RAPGEF2: variants seen among roughly 807,000 people sequenced by gnomAD.
RAPGEF2 encodes Rap guanine nucleotide exchange factor 2, also known as PDZ domain containing guanine nucleotide exchange factor (GEF) 1.
Under a neutral mutation model 186.7 loss-of-function variants are expected in RAPGEF2, and 54 were observed. That is an observed-to-expected ratio of 0.29 (90% confidence interval 0.23 to 0.36). The LOEUF (loss-of-function observed/expected upper bound fraction) is 0.36, where lower values mean the gene tolerates loss of function less well. Ranked by LOEUF, RAPGEF2 falls within the 10% of genes least tolerant of loss-of-function variation. The probability of loss-of-function intolerance (pLI) is 1.00; values close to 1 mark genes in which losing one functional copy is unlikely to be tolerated. For synonymous variants in RAPGEF2, 712 were observed against 705.9 expected (o/e 1.01, Z -0.14); for missense variants, 1,532 against 2,045.0 (o/e 0.75, Z 4.84).
At chr4:159,202,099 T>C (rs1749482588) in intron 3 of RAPGEF2, among the ~76,000 whole-genome samples, 1 of 152,248 alleles carries the variant, frequency 6.6e-6, no homozygotes. Flanking sequence ...AGCTGTGTCG[T>C]GTGCTCGGCT....
At chr4:159,284,179 A>T (rs776664181) in intron 7 of RAPGEF2, among the ~76,000 whole-genome samples, 8 of 152,114 alleles carry the variant, frequency 5.3e-5, no homozygotes, top group Non-Finnish European at 8.8e-5. Flanking sequence ...CACCAGAATA[A>T]CAGTTGTTTT....
intron 7 of RAPGEF2, among the ~76,000 whole-genome samples, chr4:159,246,136 A>G (rs1021904431): frequency 3.3e-5 from 5 of 152,180 alleles, no homozygotes; most frequent in African/African-American, 1.2e-4. Flanking sequence ...CACACATTTT[A>G]TTAGTAGTCC....
intron 1 of RAPGEF2, among the ~76,000 whole-genome samples, chr4:159,140,271 C>A (rs895660490): frequency 6.6e-6 from 1 of 152,036 alleles, no homozygotes; most frequent in African/African-American, 2.4e-5. Context: ...TTAGTATAGC[C>A]ATTTGTTTTT....
intron 7 of RAPGEF2, among the ~76,000 whole-genome samples, chr4:159,276,558 T>C (rs550529049): frequency 6.6e-6 from 1 of 152,330 alleles, no homozygotes; most frequent in South Asian, 2.1e-4. Flanking sequence ...CAGGTTGGTC[T>C]GTGTCTTATT....
chr4:159,121,654 G>A (rs1739692880), intron 1 of RAPGEF2, among the ~76,000 whole-genome samples: 1 of 151,854 alleles, frequency 6.6e-6, no homozygotes, highest in African/African-American at 2.4e-5. Context: ...TAAATGTTGG[G>A]ATTTCAATAA....
chr4:159,283,737 A>C (rs1265712572), intron 7 of RAPGEF2, among the ~76,000 whole-genome samples: 1 of 152,216 alleles, frequency 6.6e-6, no homozygotes, highest in Non-Finnish European at 1.5e-5. Context: ...GAAAAACAGA[A>C]AGAGGAAATC....
intron 1 of RAPGEF2, chr4:159,128,919 G>T (rs1056653205): frequency 8.7e-5 from 5 of 57,254 alleles, no homozygotes; most frequent in African/African-American, 4.1e-4. Flanking sequence ...ATACATATGG[G>T]GGGTGTGTGT....
chr4:159,131,400 G>A (rs549096673), intron 1 of RAPGEF2, among the ~76,000 whole-genome samples: 2 of 152,210 alleles, frequency 1.3e-5, no homozygotes, highest in Admixed American at 6.5e-5. Flanking sequence ...ATGAGCCACC[G>A]CGCCCAGCCT....
chr4:159,295,748 TGTGTGTGCGCGC>T (rs1396839289), intron 7 of RAPGEF2, among the ~76,000 whole-genome samples: 42 of 112,150 alleles, frequency 3.7e-4, no homozygotes, highest in South Asian at 8.3e-4. Flanking sequence ...TGTGTGTGTG[TGTGTGTGCGCGC>T]GCGCGCGCGC....
At chr4:159,108,485 A>T (rs148286716) in intron 1 of RAPGEF2, among the ~76,000 whole-genome samples, 1 of 151,034 alleles carries the variant, frequency 6.6e-6, no homozygotes, top group Non-Finnish European at 1.5e-5. Context: ...ACTTCTTATC[A>T]CTATCATTTA....
At chr4:159,307,001 G>A (rs1353354410) in intron 8 of RAPGEF2, among the ~76,000 whole-genome samples, 3 of 152,150 alleles carry the variant, frequency 2.0e-5, no homozygotes, top group Admixed American at 2.0e-4. Context: ...AGCTTTGAAT[G>A]TGCAAATTTA....
intron 1 of RAPGEF2, among the ~76,000 whole-genome samples, chr4:159,182,481 C>A (rs1747126597): frequency 6.7e-6 from 1 of 148,922 alleles, no homozygotes; most frequent in South Asian, 2.1e-4. Flanking sequence ...CTGCAACCTC[C>A]TTCTCCTGGG....
chr4:159,249,689 T>C (rs1755074688), intron 7 of RAPGEF2, among the ~76,000 whole-genome samples: 1 of 150,470 alleles, frequency 6.6e-6, no homozygotes, highest in African/African-American at 2.5e-5. Context: ...TGTACTATTT[T>C]AATAGTAAAC....
intron 3 of RAPGEF2, among the ~76,000 whole-genome samples, chr4:159,193,956 C>T (rs982503457): frequency 2.6e-5 from 4 of 152,112 alleles, no homozygotes; most frequent in Non-Finnish European, 5.9e-5. Context: ...AGTTCATAAT[C>T]TGTTGAGGAA....
At chr4:159,227,061 ATACT>A (rs1445371382) in intron 4 of RAPGEF2, among the ~76,000 whole-genome samples, 3 of 152,228 alleles carry the variant, frequency 2.0e-5, no homozygotes, top group South Asian at 2.1e-4. Context: ...TTACAAAGAA[ATACT>A]TACCATTTCA....
chr4:159,315,864 G>A (rs543373063), intron 9 of RAPGEF2, among the ~76,000 whole-genome samples: 5 of 152,300 alleles, frequency 3.3e-5, no homozygotes, highest in African/African-American at 7.2e-5. Flanking sequence ...GACTAGGAGC[G>A]TGACCACTGA....
Position 159,331,732 on chromosome 4 carries a change from T to A in RAPGEF2, c.1678T>A (p.Phe560Ile). 1 of 1,614,142 alleles carries A rather than the reference T, an allele frequency of 6.2e-7. No homozygotes were observed. The highest frequency in any genetic ancestry group is 8.5e-7 in the Non-Finnish European group (1 of 1,180,010). Residue 560 changes from phenylalanine to isoleucine, a missense_variant, in exon 15 of 30, where the codon TTT becomes ATT. This residue lies in a region of RAPGEF2 where 810 missense variants were observed against 1,210.5 expected (regional missense o/e 0.67). Coordinates refer to ENST00000691494, the MANE Select transcript of RAPGEF2 (RefSeq NM_001394067.2). ...ACCATCCCGAGAAGCTCCTTTGCCT[T>A]TTATCTTACTTGGAGGCTCTGAGAA... is the stretch of plus-strand genomic sequence containing the variant. ...TKPSREAPLP[F>I]ILLGGSEKGF...
intron 1 of RAPGEF2, among the ~76,000 whole-genome samples, chr4:159,165,781 T>TG (rs1166384880): frequency 4.6e-5 from 7 of 152,090 alleles, no homozygotes; most frequent in Admixed American, 2.0e-4. Flanking sequence ...TTTGTAGGGT[T>TG]GGGGTCTCGC....
At chr4:159,307,499 A>C in intron 8 of RAPGEF2, among the ~76,000 whole-genome samples, 1 of 152,196 alleles carries the variant, frequency 6.6e-6, no homozygotes, top group East Asian at 1.9e-4. Context: ...GTTGTATTTT[A>C]GTTTATATTA....
Sources: gnomAD v4.1 joint callset for allele counts (sites outside exome capture counted in the v4.1 genomes callset) on GRCh38, gnomAD v4.1.1 for gene constraint, gnomAD v4.1.1 regional missense constraint, MANE v1.5 for transcripts, NCBI Gene and HGNC (gene_info 2026-07-23, HGNC 2026-07-21) for gene names.